The following SRC variants were observed in gnomAD, a reference collection of about 807,000 sequenced individuals.
SRC encodes SRC proto-oncogene, non-receptor tyrosine kinase.
Under a neutral mutation model 62.9 loss-of-function variants are expected in SRC, and 13 were observed. The observed-to-expected ratio is 0.21, with a 90% CI of 0.13 to 0.33. The LOEUF (loss-of-function observed/expected upper bound fraction) is 0.33. Among genes scored for constraint, SRC ranks in the 10% least tolerant of loss-of-function variants. The pLI, the probability that SRC is intolerant of heterozygous loss-of-function variation, is 1.00. For missense variants in SRC, 457 were observed against 737.3 expected, an observed-to-expected ratio of 0.62 and a Z score of 4.40; for synonymous variants, 302 against 317.5, an observed-to-expected ratio of 0.95 and a Z score of 0.52.
intron 2 of SRC, among the ~76,000 whole-genome samples, chr20:37,366,712 A>AT (rs746918843): frequency 8.6e-5 from 13 of 150,774 alleles, no homozygotes; most frequent in East Asian, 3.9e-4. Context: ...TCAATATTTC[A>AT]TTTTTTTTTC....
rs1376667679 is a variant in SRC at position 37,397,538 on chromosome 20, G to A, written c.704-161G>A. ...TAAAGCACTGTGGGCCTGTGTGGGGGTGGGGCTGTGTGCACACAGATGTAG... is the reference window on the plus strand; with the variant it reads ...TAAAGCACTGTGGGCCTGTGTGGGGATGGGGCTGTGTGCACACAGATGTAG... On this transcript the variant is annotated intron_variant, in intron 8 of 13. Transcript: ENST00000373578. This position sits in a 1 kb window ranked among gnomAD's most constrained non-coding sequence, Gnocchi z 4.1. 3.9e-5 allele frequency among the ~76,000 whole-genome samples: 6 copies of A among 152,348 alleles called. No homozygotes were observed. The East Asian group carries it at 9.6e-4, about 24-fold the overall frequency.
chr20:37,347,907 G>C (rs549309046), intron 1 of SRC, among the ~76,000 whole-genome samples: 24 of 152,308 alleles, frequency 1.6e-4, no homozygotes, highest in African/African-American at 5.5e-4. Flanking sequence ...GTGGAGGTTC[G>C]CAAGACAGGA....
At chr20:37,355,185 C>T (rs1208766091) in intron 1 of SRC, among the ~76,000 whole-genome samples, 4 of 152,158 alleles carry the variant, frequency 2.6e-5, no homozygotes, top group Non-Finnish European at 5.9e-5. Context: ...CTCCCCTGCC[C>T]TCTAAACTTT....
At chr20:37,375,237 CTTT>C (rs113896638) in intron 2 of SRC, among the ~76,000 whole-genome samples, 1 of 139,348 alleles carries the variant, frequency 7.2e-6, no homozygotes, top group African/African-American at 2.6e-5. Flanking sequence ...GGCCTCTTTC[CTTT>C]TTTTTTTTTG....
Position 37,403,456 on chromosome 20 carries a change from T to C in SRC, c.*77T>C. On this transcript the variant is annotated 3_prime_UTR_variant, in exon 14 of 14. Coordinates refer to ENST00000373578, the MANE Select transcript of SRC (RefSeq NM_198291.3). This position sits in a 1 kb window ranked among gnomAD's most constrained non-coding sequence, Gnocchi z 7.1. ...CCCTGTCTCGGGGCTTGCCCCACTC[T>C]GCCTGCCTGCTGTTGGTCCTCTCTC... is the stretch of plus-strand genomic sequence containing the variant. The C allele has an allele frequency of 2.1e-6, 3 of 1,423,628 alleles. No homozygotes were observed. Among genetic ancestry groups the C allele is most frequent in the East Asian group, 2.5e-5 (1 of 39,988 alleles). 88.2% of individuals were successfully genotyped at this position (1,423,628 alleles called of 1,614,324 possible).
chr20:37,358,311 C>T (rs1470997459), intron 1 of SRC, among the ~76,000 whole-genome samples: 1 of 152,170 alleles, frequency 6.6e-6, no homozygotes. Context: ...CGTGGTCACC[C>T]CAGAGCTGGG....
intron 4 of SRC, among the ~76,000 whole-genome samples, chr20:37,385,131 G>C (rs953113296): frequency 1.3e-5 from 2 of 152,160 alleles, no homozygotes; most frequent in East Asian, 3.9e-4. Context: ...CACACTTGTA[G>C]CTGAAGACAC....
Position 37,402,621 on chromosome 20 carries a change from G to T in SRC, c.1270+33G>T. On this transcript the variant is annotated intron_variant, in intron 12 of 13. Coordinates refer to ENST00000373578, the MANE Select transcript of SRC (RefSeq NM_198291.3). This position sits in a 1 kb window ranked among gnomAD's most constrained non-coding sequence, Gnocchi z 6.2. ...GGGGCTGTGTGGTATGTCGCGCTTG[G>T]CCTGGGACAGGTCACGTCCCGCTCT... The T allele has an allele frequency of 6.3e-7, 1 of 1,592,744 alleles. No homozygotes were observed. The highest frequency in any genetic ancestry group is 1.7e-4 in the Middle Eastern group (1 of 5,948).
intron 5 of SRC, among the ~76,000 whole-genome samples, chr20:37,387,323 G>A (rs889599701): frequency 3.3e-5 from 5 of 152,220 alleles, no homozygotes; most frequent in Non-Finnish European, 7.3e-5. Flanking sequence ...GGGAACAGAG[G>A]TGCCAGTTGC....
chr20:37,373,327 T>C (rs181930047), intron 2 of SRC, among the ~76,000 whole-genome samples: 22 of 149,426 alleles, frequency 1.5e-4, no homozygotes, highest in East Asian at 3.9e-4. Context: ...TGTACACACA[T>C]ACACACATGT....
Position 37,402,832 on chromosome 20 carries a change from G to C in SRC, c.1354G>C (p.Gly452Arg). Reference protein sequence around the residue: ...FTIKSDVWSFGILLTELTTKG... With the variant: ...FTIKSDVWSFRILLTELTTKG... ...CATCAAGTCGGACGTGTGGTCCTTC[G>C]GGATCCTGCTGACTGAGCTCACCAC... The change falls in exon 13 of 14, where the codon GGG becomes CGG. Residue 452 changes from glycine to arginine, a missense_variant. By Grantham distance (125) the Gly-to-Arg change is moderately radical. This residue lies in a region of SRC where 168 missense variants were observed against 357.8 expected (regional missense o/e 0.47). Coordinates refer to ENST00000373578, the MANE Select transcript of SRC (RefSeq NM_198291.3). This position sits in a 1 kb window ranked among gnomAD's most constrained non-coding sequence, Gnocchi z 6.2. 1 of 1,614,000 alleles carries C rather than the reference G, an allele frequency of 6.2e-7. No homozygotes were observed. Among genetic ancestry groups the C allele is most frequent in the Non-Finnish European group, 8.5e-7 (1 of 1,180,002 alleles).
At chr20:37,375,227 G>A (rs2070258295) in intron 2 of SRC, among the ~76,000 whole-genome samples, 1 of 149,494 alleles carries the variant, frequency 6.7e-6, no homozygotes, top group African/African-American at 2.5e-5. Flanking sequence ...CACCGCACCT[G>A]GCCTCTTTCC....
chr20:37,392,311 G>A lies in SRC; in HGVS notation c.351-1584G>A, dbSNP rs540214708. ...TGTCTCAGGTGCTCACCTGTCCTCC[G>A]ACAGGTCCCTGGAGAGCTCCCCAAG... is the stretch of plus-strand genomic sequence containing the variant. On this transcript the variant is annotated intron_variant, in intron 5 of 13. Coordinates refer to ENST00000373578, the MANE Select transcript of SRC (RefSeq NM_198291.3). 3.9e-5 allele frequency among the ~76,000 whole-genome samples: 6 copies of A among 152,236 alleles called. No individual in the cohort carries two copies. In the East Asian group the frequency reaches 9.6e-4, roughly 24 times the overall value.
chr20:37,373,388 CAT>C (rs559768436), intron 2 of SRC, among the ~76,000 whole-genome samples: 54 of 151,830 alleles, frequency 3.6e-4, no homozygotes, highest in African/African-American at 9.4e-4. Flanking sequence ...ACATTATACA[CAT>C]ATATGCGTAT....
rs932287818 is a variant in SRC at position 37,404,360 on chromosome 20, T to G, written c.*981T>G. 1 of 233,350 alleles carries G rather than the reference T, an allele frequency of 4.3e-6. No individual in the cohort carries two copies. The highest frequency in any genetic ancestry group is 8.5e-6 in the Non-Finnish European group (1 of 118,008). 14.5% of individuals were successfully genotyped at this position (233,350 alleles called of 1,614,324 possible). A position where few individuals can be genotyped will look rare whatever the true frequency, so the allele number is the denominator to read the frequency against. On this transcript the variant is annotated 3_prime_UTR_variant, in exon 14 of 14. Coordinates refer to ENST00000373578, the MANE Select transcript of SRC (RefSeq NM_198291.3). ...GAGGCTTCAATCGGCTTGTGGGTGA[T>G]GTTTGACCTTCAGAGCCAGCCGGCT...
intron 2 of SRC, among the ~76,000 whole-genome samples, chr20:37,377,223 G>A (rs1244286261): frequency 6.6e-6 from 1 of 152,200 alleles, no homozygotes; most frequent in Admixed American, 6.5e-5. Context: ...TGTGCTGTTT[G>A]TCATGCACTT....
chr20:37,388,045 G>A (rs2070484608), intron 5 of SRC, among the ~76,000 whole-genome samples: 1 of 152,232 alleles, frequency 6.6e-6, no homozygotes, highest in African/African-American at 2.4e-5. Flanking sequence ...CTCAGTGGAG[G>A]TGCAGCAGAG....
chr20:37,348,570 C>A (rs2069756119), intron 1 of SRC, among the ~76,000 whole-genome samples: 2 of 152,210 alleles, frequency 1.3e-5, no homozygotes, highest in South Asian at 4.2e-4. Flanking sequence ...AGGGCCTGAG[C>A]TGAGGACGAG....
rs769834016 is a variant in SRC, at chr20:37,403,257, C to G, written c.1489C>G (p.Leu497Val). 1.3e-6 allele frequency: 2 copies of G among 1,594,010 alleles called. No individual in the cohort carries two copies. Among genetic ancestry groups the G allele is most frequent in the East Asian group, 2.3e-5 (1 of 44,050 alleles). ...GGAGTGTCCCGAGTCCCTGCACGAC[C>G]TCATGTGCCAGTGCTGGCGGAAGGA... ...PPECPESLHD[L>V]MCQCWRKEPE... is the part of the protein sequence containing the mutation. Residue 497 changes from leucine to valine, a missense_variant, in exon 14 of 14, where the codon CTC becomes GTC. Leu to Val is a conservative substitution (Grantham distance 32). Coordinates refer to ENST00000373578, the MANE Select transcript of SRC (RefSeq NM_198291.3). The surrounding 1 kb of genome is among the most constrained non-coding windows in gnomAD (Gnocchi z 7.1).
Sources: allele counts gnomAD v4.1 joint callset (sites outside exome capture counted in the v4.1 genomes callset), GRCh38; gene constraint gnomAD v4.1.1; regional missense constraint gnomAD v4.1.1; non-coding constraint Gnocchi (gnomAD v3.1); transcripts MANE v1.5; gene names NCBI Gene and HGNC (gene_info 2026-07-23, HGNC 2026-07-21).